PLXNA4: variants seen among roughly 807,000 people sequenced by gnomAD.
PLXNA4 encodes the protein plexin-A4.
A neutral mutation model predicts 191.8 loss-of-function variants in PLXNA4; 44 were observed. The ratio of observed to expected loss-of-function variants is 0.23; its 90% CI spans 0.18 to 0.29. PLXNA4 has a LOEUF of 0.29. Ranked by LOEUF, PLXNA4 falls within the 10% of genes least tolerant of loss-of-function variation. The pLI, the probability that PLXNA4 is intolerant of heterozygous loss-of-function variation, is 1.00. For synonymous variants in PLXNA4, 1,082 were observed against 1,009.5 expected, an observed-to-expected ratio of 1.07 and a Z score of -1.36; for missense variants, 1,800 against 2,488.8, an observed-to-expected ratio of 0.72 and a Z score of 5.89.
rs184588161 is a variant in PLXNA4, at chr7:132,537,304, C to A, written c.-86-28525G>T. 2.0e-5 allele frequency among the ~76,000 whole-genome samples: 3 copies of A among 152,328 alleles called. No homozygotes were observed. The East Asian group carries it at 5.8e-4, about 29-fold the overall frequency. On this transcript the variant is annotated intron_variant, in intron 1 of 31. Transcript: ENST00000321063. The stretch of plus-strand genomic sequence containing the variant: ...AGGCAGGAGGTTGGAGCAAGCAATG[C>A]CTAAAATGAGCTCTTGGCTGTGTCT...
Position 132,380,412 on chromosome 7 carries a change from G to A in PLXNA4, c.1372-82190C>T, listed in dbSNP as rs556940127. ...GCTCACCCTGCCTGGTCCCTGACATGGCTGTGGAAGCAGATGGATGGAATC... is the reference window on the plus strand; with the variant it reads ...GCTCACCCTGCCTGGTCCCTGACATAGCTGTGGAAGCAGATGGATGGAATC... On this transcript the variant is annotated intron_variant, in intron 3 of 31. Coordinates refer to ENST00000321063, the MANE Select transcript of PLXNA4 (RefSeq NM_020911.2). 9.2e-5 allele frequency among the ~76,000 whole-genome samples: 14 copies of A among 152,210 alleles called. No individual in the cohort carries two copies. The South Asian group carries it at 1.7e-3, about 18-fold the overall frequency.
intron 3 of PLXNA4, among the ~76,000 whole-genome samples, chr7:132,466,581 C>G (rs1796712908): frequency 6.6e-6 from 1 of 152,228 alleles, no homozygotes; most frequent in South Asian, 2.1e-4. Context: ...CCCCTTCACG[C>G]TGAGCCCCAT....
chr7:132,465,688 GC>G (rs765054092), intron 3 of PLXNA4, among the ~76,000 whole-genome samples: 5 of 152,140 alleles, frequency 3.3e-5, no homozygotes, highest in Non-Finnish European at 7.3e-5. Flanking sequence ...GGATCATGGG[GC>G]CTGGGAATGT....
chr7:132,606,368 G>A (rs775645748), intron 2 of PLXNA4, among the ~76,000 whole-genome samples: 9 of 152,174 alleles, frequency 5.9e-5, no homozygotes, highest in Non-Finnish European at 8.8e-5. Flanking sequence ...TCAGCCCCAG[G>A]AAAATAGTAG....
At chr7:132,412,885 T>G (rs1794516027) in intron 3 of PLXNA4, among the ~76,000 whole-genome samples, 1 of 152,040 alleles carries the variant, frequency 6.6e-6, no homozygotes, top group Non-Finnish European at 1.5e-5. Context: ...TGGCCAAGCT[T>G]TGGAGGGACG....
intron 2 of PLXNA4, among the ~76,000 whole-genome samples, chr7:132,639,367 T>C (rs10278518): frequency 6.6e-6 from 1 of 152,182 alleles, no homozygotes; most frequent in Non-Finnish European, 1.5e-5. Context: ...CTGTTTCTAT[T>C]TTCCTGAAAG....
chr7:132,481,689 C>T (rs1210660277), intron 3 of PLXNA4, among the ~76,000 whole-genome samples: 1 of 152,172 alleles, frequency 6.6e-6, no homozygotes, highest in Non-Finnish European at 1.5e-5. Flanking sequence ...ATGCTGGGTG[C>T]CTCCCCACAG....
At chr7:132,176,067 G>A (rs898266520) in intron 20 of PLXNA4, among the ~76,000 whole-genome samples, 1 of 152,176 alleles carries the variant, frequency 6.6e-6, no homozygotes, top group Admixed American at 6.5e-5. Flanking sequence ...TGTCTGCAGG[G>A]ACCCCAGTCC....
At chr7:132,642,634 G>A (rs1803766268) in intron 2 of PLXNA4, among the ~76,000 whole-genome samples, 1 of 152,156 alleles carries the variant, frequency 6.6e-6, no homozygotes, top group Non-Finnish European at 1.5e-5. Context: ...AGGCCTTCCT[G>A]GGCCCACCTC....
chr7:132,590,917 G>A (rs529307458), intron 2 of PLXNA4, among the ~76,000 whole-genome samples: 1 of 152,100 alleles, frequency 6.6e-6, no homozygotes, highest in East Asian at 1.9e-4. Flanking sequence ...CTTGGTGCAG[G>A]GACTCAGTGA....
At chr7:132,247,133 A>G (rs552629624) in intron 4 of PLXNA4, among the ~76,000 whole-genome samples, 1 of 152,062 alleles carries the variant, frequency 6.6e-6, no homozygotes, top group East Asian at 1.9e-4. Flanking sequence ...ATAGGGTCTC[A>G]CTCTGCCTGT....
intron 12 of PLXNA4, 104 bp downstream of exon 12, chr7:132,202,542 G>A: frequency 8.3e-7 from 1 of 1,203,902 alleles, no homozygotes; most frequent in Non-Finnish European, 1.1e-6. Flanking sequence ...TCCACCCAGT[G>A]ACTACTGGGT....
At chr7:132,177,521 C>A (rs1326063233) in intron 20 of PLXNA4, among the ~76,000 whole-genome samples, 1 of 152,198 alleles carries the variant, frequency 6.6e-6, no homozygotes, top group Admixed American at 6.5e-5. Context: ...GCATAGCTCG[C>A]CCCTAAAGTC....
chr7:132,305,607 C>T (rs1002464953), intron 3 of PLXNA4, among the ~76,000 whole-genome samples: 2 of 152,188 alleles, frequency 1.3e-5, no homozygotes, highest in Non-Finnish European at 2.9e-5. Flanking sequence ...AGCAGCGTGG[C>T]CTCCGCAAAG....
intron 3 of PLXNA4, among the ~76,000 whole-genome samples, chr7:132,307,600 T>C (rs17817832): frequency 0.44 from 66,913 of 151,536 alleles, 15,078 homozygotes; most frequent in South Asian, 0.54. Context: ...CTGGGAGATG[T>C]TACAGCAAAA....
chr7:132,207,944 G>A (rs1033505408), intron 10 of PLXNA4, among the ~76,000 whole-genome samples: 1 of 152,188 alleles, frequency 6.6e-6, no homozygotes. Flanking sequence ...CTGAATTTGT[G>A]CCTTACTTGC....
intron 3 of PLXNA4, among the ~76,000 whole-genome samples, chr7:132,372,608 C>T (rs1804492832): frequency 6.6e-6 from 1 of 152,206 alleles, no homozygotes; most frequent in Non-Finnish European, 1.5e-5. Flanking sequence ...TCTGATGTTA[C>T]TCACCCTCTC....
At chr7:132,545,794 G>A (rs2116534239) in intron 1 of PLXNA4, among the ~76,000 whole-genome samples, 1 of 152,360 alleles carries the variant, frequency 6.6e-6, no homozygotes, top group East Asian at 1.9e-4. Context: ...TGTTGCTGTA[G>A]TAGGGAGAGG....
chr7:132,575,018 G>A (rs2116788493), intron 1 of PLXNA4, among the ~76,000 whole-genome samples: 1 of 152,256 alleles, frequency 6.6e-6, no homozygotes, highest in East Asian at 1.9e-4. Flanking sequence ...TCAGTTTTGT[G>A]GGAAAATGAT....
Sources: allele counts gnomAD v4.1 joint callset (sites outside exome capture counted in the v4.1 genomes callset), GRCh38; gene constraint gnomAD v4.1.1; transcripts MANE v1.5; gene names NCBI Gene and HGNC (gene_info 2026-07-23, HGNC 2026-07-21).